PTPRD: variants seen among roughly 807,000 people sequenced by gnomAD.
PTPRD encodes receptor-type tyrosine-protein phosphatase delta.
Under a neutral mutation model 214.5 loss-of-function variants are expected in PTPRD, and 34 were observed. The ratio of observed to expected loss-of-function variants is 0.16; its 90% CI spans 0.12 to 0.21. The LOEUF is 0.21. PTPRD is among the 10% of genes least tolerant of loss of function. PTPRD has a pLI of 1.00. For missense variants in PTPRD, 2,545 were observed against 2,398.7 expected, an observed-to-expected ratio of 1.06 and a Z score of -1.27; for synonymous variants, 1,128 against 845.7, an observed-to-expected ratio of 1.33 and a Z score of -5.79.
At chr9:9,794,453 C>T (rs999567130) in intron 5 of PTPRD, among the ~76,000 whole-genome samples, 2 of 151,632 alleles carry the variant, frequency 1.3e-5, no homozygotes, top group Non-Finnish European at 2.9e-5. Context: ...GTGGCAGAGG[C>T]AAAAGTGAGT....
chr9:9,679,622 A>G (rs1316126602), intron 7 of PTPRD, among the ~76,000 whole-genome samples: 1 of 151,928 alleles, frequency 6.6e-6, no homozygotes, highest in East Asian at 1.9e-4. Flanking sequence ...ACTTTTATGA[A>G]GTAGTCATTA....
In PTPRD at chr9:8,764,808, G is replaced by GATAATA. The variant is rs58828058; in HGVS notation, c.-103-30868_-103-30863dup. 2.8e-3 allele frequency among the ~76,000 whole-genome samples: 409 copies of GATAATA among 146,670 alleles called. 1 individual carries two copies. The highest frequency in any genetic ancestry group is 7.2e-3 in the Middle Eastern group (2 of 276). ...TTTGTCTCAAAATAATAATAATAAT[G>GATAATA]ATAATAATAATAATAATAATAATAA... On this transcript the variant is annotated intron_variant, in intron 11 of 45. Coordinates refer to ENST00000381196, the MANE Select transcript of PTPRD (RefSeq NM_002839.4).
At chr9:9,282,544 A>C (rs1948083431) in intron 9 of PTPRD, among the ~76,000 whole-genome samples, 1 of 151,346 alleles carries the variant, frequency 6.6e-6, no homozygotes, top group Admixed American at 6.6e-5. Context: ...ATTTGTATAA[A>C]TTCAGTTCCT....
intron 5 of PTPRD, among the ~76,000 whole-genome samples, chr9:9,866,892 T>G (rs1048905207): frequency 2.0e-5 from 3 of 152,146 alleles, no homozygotes; most frequent in East Asian, 3.9e-4. Context: ...AACAACAAAG[T>G]TCCTATTAAA....
At chr9:8,818,156 C>T (rs756665063) in intron 11 of PTPRD, among the ~76,000 whole-genome samples, 3 of 152,110 alleles carry the variant, frequency 2.0e-5, no homozygotes, top group Admixed American at 6.6e-5. Flanking sequence ...GTGTTTGATA[C>T]ATCAGAAGCC....
chr9:8,518,963 G>A (rs142429941), intron 20 of PTPRD, among the ~76,000 whole-genome samples: 16 of 152,124 alleles, frequency 1.1e-4, no homozygotes, highest in East Asian at 7.8e-4. Context: ...CTGAAATACC[G>A]ATAAACATTG....
chr9:9,964,131 G>A (rs117819631), intron 4 of PTPRD, among the ~76,000 whole-genome samples: 4,865 of 135,010 alleles, frequency 0.036, 113 homozygotes, highest in Middle Eastern at 0.062. Flanking sequence ...TGCCTGTATG[G>A]GCTTTTGAAA....
chr9:8,557,455 T>TATACACATAC, intron 14 of PTPRD, among the ~76,000 whole-genome samples: 3 of 135,640 alleles, frequency 2.2e-5, no homozygotes, highest in African/African-American at 1.0e-4. Context: ...TATATATATA[T>TATACACATAC]ATTTGGGCCG....
intron 10 of PTPRD, among the ~76,000 whole-genome samples, chr9:9,074,906 CAA>C (rs74564241): frequency 3.0e-5 from 4 of 132,958 alleles, no homozygotes; most frequent in Non-Finnish European, 3.3e-5. Flanking sequence ...GTATTTTGGG[CAA>C]AAAAAAAAAA....
intron 5 of PTPRD, among the ~76,000 whole-genome samples, chr9:9,834,097 T>C (rs571766867): frequency 3.0e-4 from 46 of 152,184 alleles, no homozygotes; most frequent in African/African-American, 8.7e-4. Flanking sequence ...TGTTTAGAGA[T>C]TGCAGTAAAG....
chr9:9,591,024 G>A (rs2092672640), intron 7 of PTPRD, among the ~76,000 whole-genome samples: 2 of 152,008 alleles, frequency 1.3e-5, no homozygotes, highest in African/African-American at 2.4e-5. Flanking sequence ...AAAGGTGTCC[G>A]TGCCTTAATC....
chr9:9,807,969 T>C (rs755729479), intron 5 of PTPRD, among the ~76,000 whole-genome samples: 2 of 152,176 alleles, frequency 1.3e-5, no homozygotes, highest in African/African-American at 4.8e-5. Context: ...CCTCAAAGAA[T>C]GTTTATGTAA....
intron 3 of PTPRD, among the ~76,000 whole-genome samples, chr9:10,159,860 A>G (rs983089295): frequency 6.6e-6 from 1 of 152,110 alleles, no homozygotes; most frequent in Non-Finnish European, 1.5e-5. Flanking sequence ...CCAGATATAG[A>G]AAATAACCTC....
At chr9:8,833,914 G>C (rs1012835582) in intron 11 of PTPRD, among the ~76,000 whole-genome samples, 2 of 125,310 alleles carry the variant, frequency 1.6e-5, no homozygotes. Flanking sequence ...ATGGATAAAT[G>C]TATTAAAAAC....
intron 12 of PTPRD, among the ~76,000 whole-genome samples, chr9:8,656,385 G>C (rs956837909): frequency 6.6e-6 from 1 of 152,110 alleles, no homozygotes; most frequent in Non-Finnish European, 1.5e-5. Flanking sequence ...CTTCTCCTGG[G>C]TGAAATCTTT....
chr9:10,256,968 T>C (rs920550462), intron 3 of PTPRD, among the ~76,000 whole-genome samples: 1 of 152,224 alleles, frequency 6.6e-6, no homozygotes, highest in Non-Finnish European at 1.5e-5. Context: ...AAATATCCCA[T>C]TATATACTCT....
chr9:10,261,485 A>G (rs1325188857), intron 3 of PTPRD, among the ~76,000 whole-genome samples: 2 of 152,094 alleles, frequency 1.3e-5, no homozygotes, highest in South Asian at 4.1e-4. Flanking sequence ...AAGTAAAACA[A>G]TATAAATGCT....
chr9:9,938,229 AC>A (rs2090247310), intron 5 of PTPRD, among the ~76,000 whole-genome samples: 1 of 152,162 alleles, frequency 6.6e-6, no homozygotes, highest in Non-Finnish European at 1.5e-5. Flanking sequence ...CATTTACTCT[AC>A]TTCTAGCTCA....
intron 9 of PTPRD, among the ~76,000 whole-genome samples, chr9:9,287,768 G>A (rs562411020): frequency 1.3e-3 from 202 of 151,968 alleles, no homozygotes; most frequent in Non-Finnish European, 2.4e-3. Flanking sequence ...ATTTGTATAA[G>A]TCTGTTACTC....
Sources: allele counts gnomAD v4.1 joint callset (sites outside exome capture counted in the v4.1 genomes callset), GRCh38; gene constraint gnomAD v4.1.1; transcripts MANE v1.5; gene names NCBI Gene and HGNC (gene_info 2026-07-23, HGNC 2026-07-21).